The following MYT1L variants were observed in gnomAD, a reference collection of about 807,000 sequenced individuals.
The protein encoded by MYT1L is myelin transcription factor 1 like.
Under a neutral mutation model 126.7 loss-of-function variants are expected in MYT1L, and 12 were observed. The ratio of observed to expected loss-of-function variants is 0.09; its 90% confidence interval spans 0.06 to 0.15. The LOEUF is 0.15. Ranked by LOEUF, MYT1L falls within the 10% of genes least tolerant of loss-of-function variation. The pLI, the probability that MYT1L is intolerant of heterozygous loss-of-function variation, is 1.00. For missense variants in MYT1L, 979 were observed against 1,585.2 expected (o/e 0.62, Z 6.49); for synonymous variants, 541 against 604.2 (o/e 0.90, Z 1.53).
At chr2:1,800,171 A>C (rs1007322062) in intron 23 of MYT1L, 13 of 152,356 alleles carry the variant, frequency 8.5e-5, no homozygotes, top group African/African-American at 3.1e-4. Context: ...TCCCAGAAAC[A>C]GCAGCTCCTG....
intron 4 of MYT1L, among the ~76,000 whole-genome samples, chr2:2,039,754 C>T (rs559073901): frequency 6.6e-6 from 1 of 152,182 alleles, no homozygotes; most frequent in Admixed American, 6.5e-5. Flanking sequence ...CCTGCATCAG[C>T]CCGCTCATGC....
intron 1 of MYT1L, among the ~76,000 whole-genome samples, chr2:2,321,289 T>C (rs1291761262): frequency 6.6e-6 from 1 of 152,150 alleles, no homozygotes; most frequent in Non-Finnish European, 1.5e-5. Context: ...CGGCACTGAT[T>C]TCCGAATGTT....
intron 9 of MYT1L, 136 bp downstream of exon 9, chr2:1,942,846 G>C (rs1222920641): frequency 8.9e-7 from 1 of 1,127,490 alleles, no homozygotes; most frequent in African/African-American, 1.6e-5. Context: ...GTTCATATAA[G>C]AGGTTAATTT....
chr2:2,119,187 CA>C (rs1208746628), intron 3 of MYT1L, among the ~76,000 whole-genome samples: 1 of 151,464 alleles, frequency 6.6e-6, no homozygotes, highest in Non-Finnish European at 1.5e-5. Flanking sequence ...TTGACCTGGC[CA>C]AAAAAAATTA....
At position 1,842,866 on chromosome 2, in the gene MYT1L, A is replaced by AGCTTCCAGGC. The variant is rs1236142308; in HGVS notation, c.2775-2024_2775-2023insGCCTGGAAGC. ...ACCCAAGGCCTCTCCTCGTCTGTCC[A>AGCTTCCAGGC]GCTTCCGCTTCCAGGCGCTTCCGCT... On this transcript the variant is annotated intron_variant, in intron 19 of 24. Coordinates refer to ENST00000647738, the MANE Select transcript of MYT1L (RefSeq NM_001303052.2). The AGCTTCCAGGC allele has an allele frequency of 1.1e-4, 9 of 85,256 alleles. No homozygotes were observed. In the East Asian group the frequency reaches 1.2e-3, roughly 11 times the overall value. 5.3% of individuals were successfully genotyped at this position (85,256 alleles called of 1,614,324 possible).
intron 3 of MYT1L, among the ~76,000 whole-genome samples, chr2:2,163,695 G>A (rs1473539012): frequency 8.0e-5 from 12 of 150,798 alleles, no homozygotes; most frequent in African/African-American, 2.4e-4. Context: ...CTGAGATAGC[G>A]CCACTGCACT....
At chr2:2,162,819 G>A (rs1472186822) in intron 3 of MYT1L, among the ~76,000 whole-genome samples, 1 of 152,152 alleles carries the variant, frequency 6.6e-6, no homozygotes, top group Non-Finnish European at 1.5e-5. Flanking sequence ...TCGGATCCTG[G>A]CCACATTTAC....
intron 8 of MYT1L, among the ~76,000 whole-genome samples, chr2:1,966,565 G>A (rs768668717): frequency 3.9e-5 from 6 of 152,018 alleles, no homozygotes; most frequent in Non-Finnish European, 7.4e-5. Flanking sequence ...TCATCCCAGG[G>A]AAGAAACGAA....
intron 2 of MYT1L, among the ~76,000 whole-genome samples, chr2:2,177,730 T>C (rs936554990): frequency 2.6e-5 from 4 of 152,154 alleles, no homozygotes; most frequent in Non-Finnish European, 5.9e-5. Flanking sequence ...TTATGAGAAC[T>C]CACTCACTAT....
chr2:1,868,912 CCG>C (rs1160018760), intron 18 of MYT1L, among the ~76,000 whole-genome samples: 2 of 152,166 alleles, frequency 1.3e-5, no homozygotes, highest in African/African-American at 4.8e-5. Context: ...GAGTGGGCTC[CCG>C]GGAGAGGGGA....
intron 21 of MYT1L, among the ~76,000 whole-genome samples, chr2:1,820,782 A>G (rs2038408109): frequency 6.6e-6 from 1 of 152,130 alleles, no homozygotes; most frequent in South Asian, 2.1e-4. Context: ...CTTGGGCTCA[A>G]GTGATCCTCC....
intron 3 of MYT1L, among the ~76,000 whole-genome samples, chr2:2,100,310 T>C (rs768403098): frequency 2.0e-5 from 3 of 152,180 alleles, no homozygotes; most frequent in Non-Finnish European, 4.4e-5. Context: ...CTCTAGAGAA[T>C]AACCAAAGAT....
chr2:1,911,601 T>TC (rs576096502), intron 12 of MYT1L, among the ~76,000 whole-genome samples: 36 of 152,172 alleles, frequency 2.4e-4, no homozygotes, highest in Admixed American at 2.3e-3. Context: ...TCTGAAGACG[T>TC]CCATACTTGT....
intron 18 of MYT1L, among the ~76,000 whole-genome samples, chr2:1,859,756 C>T (rs773435508): frequency 6.6e-6 from 1 of 152,256 alleles, no homozygotes; most frequent in Admixed American, 6.5e-5. Context: ...ACCTGCACCA[C>T]GTCCCATCCA....
At chr2:2,295,482 C>T (rs917890262) in intron 1 of MYT1L, among the ~76,000 whole-genome samples, 1 of 151,214 alleles carries the variant, frequency 6.6e-6, no homozygotes, top group Admixed American at 6.6e-5. Context: ...GGAAAACCAA[C>T]CCAAAGGGAA....
intron 10 of MYT1L, among the ~76,000 whole-genome samples, chr2:1,920,294 CAAACA>C (rs998994390): frequency 2.0e-5 from 3 of 152,148 alleles, no homozygotes; most frequent in African/African-American, 4.8e-5. Flanking sequence ...CATTTTCTTG[CAAACA>C]AAACAAAACA....
intron 4 of MYT1L, among the ~76,000 whole-genome samples, chr2:2,003,748 C>T (rs1182154748): frequency 6.6e-6 from 1 of 152,200 alleles, no homozygotes; most frequent in Non-Finnish European, 1.5e-5. Context: ...GTCTGCACGC[C>T]TTCCTGTGTG....
intron 5 of MYT1L, among the ~76,000 whole-genome samples, chr2:1,992,406 C>T (rs187232814): frequency 1.7e-3 from 260 of 152,302 alleles, no homozygotes; most frequent in African/African-American, 6.1e-3. Context: ...CATGCCTGAT[C>T]CTACCAAGAG....
At chr2:1,857,398 T>C (rs540952029) in intron 18 of MYT1L, among the ~76,000 whole-genome samples, 4 of 152,330 alleles carry the variant, frequency 2.6e-5, no homozygotes, top group African/African-American at 7.2e-5. Context: ...AATTGAGTCA[T>C]TCCTCAAAGG....
Sources: gnomAD v4.1 joint callset for allele counts (sites outside exome capture counted in the v4.1 genomes callset) on GRCh38, gnomAD v4.1.1 for gene constraint, MANE v1.5 for transcripts, NCBI Gene and HGNC (gene_info 2026-07-23, HGNC 2026-07-21) for gene names.